RORA: variants seen among roughly 807,000 people sequenced by gnomAD.
RORA encodes the protein RAR related orphan receptor A.
RORA carries 7 observed loss-of-function variants against 69.5 expected under a neutral mutation model. That is an observed-to-expected ratio of 0.10 (90% CI 0.06 to 0.19). The LOEUF is 0.19. Ranked by LOEUF, RORA falls within the 10% of genes least tolerant of loss-of-function variation. The probability of loss-of-function intolerance (pLI) is 1.00; values close to 1 mark genes in which losing one functional copy is unlikely to be tolerated. For missense variants in RORA, 457 were observed against 663.0 expected, an observed-to-expected ratio of 0.69 and a Z score of 3.41; for synonymous variants, 261 against 240.8, an observed-to-expected ratio of 1.08 and a Z score of -0.78.
chr15:61,100,263 C>A (rs752189469), intron 1 of RORA, among the ~76,000 whole-genome samples: 1 of 151,860 alleles, frequency 6.6e-6, no homozygotes, highest in Non-Finnish European at 1.5e-5. Flanking sequence ...GGATTACAGG[C>A]ACGTGTCACC....
intron 1 of RORA, among the ~76,000 whole-genome samples, chr15:60,919,147 C>T (rs1316879906): frequency 2.6e-5 from 4 of 152,218 alleles, no homozygotes; most frequent in African/African-American, 7.2e-5. Flanking sequence ...GCCTCCTTGG[C>T]TTTTCCTCCA....
intron 1 of RORA, among the ~76,000 whole-genome samples, chr15:60,868,421 T>C (rs1371750158): frequency 6.6e-6 from 1 of 152,152 alleles, no homozygotes; most frequent in Non-Finnish European, 1.5e-5. Context: ...TTGAAAAAAG[T>C]AGCCTTTATT....
intron 1 of RORA, among the ~76,000 whole-genome samples, chr15:61,215,804 C>T (rs1446534408): frequency 6.6e-6 from 1 of 152,186 alleles, no homozygotes; most frequent in East Asian, 1.9e-4. Flanking sequence ...TAAAGACCAG[C>T]TCCTCTACGT....
At chr15:61,228,557 C>A (rs1258236815) in intron 1 of RORA, among the ~76,000 whole-genome samples, 1 of 143,500 alleles carries the variant, frequency 7.0e-6, no homozygotes, top group Non-Finnish European at 1.5e-5. Context: ...TGAGAGGGAC[C>A]GAAAACACAC....
chr15:61,117,874 C>A (rs376324143), intron 1 of RORA, among the ~76,000 whole-genome samples: 27 of 152,296 alleles, frequency 1.8e-4, no homozygotes, highest in African/African-American at 6.5e-4. Context: ...TTCAAAAGTA[C>A]ATAAACAGCC....
intron 1 of RORA, among the ~76,000 whole-genome samples, chr15:60,809,790 T>G (rs921457455): frequency 6.6e-5 from 1 of 15,262 alleles, no homozygotes; most frequent in Admixed American, 4.3e-4. Context: ...TAATATTATG[T>G]TTTTTTTTTC....
intron 1 of RORA, among the ~76,000 whole-genome samples, chr15:60,790,790 T>C (rs2072404060): frequency 6.6e-6 from 1 of 152,206 alleles, no homozygotes; most frequent in East Asian, 1.9e-4. Context: ...CCTGGTTATA[T>C]ATGGCTTCTC....
intron 1 of RORA, among the ~76,000 whole-genome samples, chr15:61,099,437 T>G (rs2078845514): frequency 6.6e-6 from 1 of 152,182 alleles, no homozygotes; most frequent in Non-Finnish European, 1.5e-5. Context: ...CCTTGGAACA[T>G]TACCTCCCTA....
At chr15:60,642,799 G>T (rs1186276705) in intron 2 of RORA, among the ~76,000 whole-genome samples, 1 of 152,124 alleles carries the variant, frequency 6.6e-6, no homozygotes, top group Admixed American at 6.5e-5. Context: ...TGAGAGGATT[G>T]CTTAAGCCTA....
At chr15:61,012,466 T>C (rs981676020) in intron 1 of RORA, among the ~76,000 whole-genome samples, 2 of 152,162 alleles carry the variant, frequency 1.3e-5, no homozygotes, top group African/African-American at 4.8e-5. Flanking sequence ...ACAGATGAAT[T>C]TGTAAGCCAC....
intron 8 of RORA, among the ~76,000 whole-genome samples, chr15:60,502,182 G>C (rs1379640882): frequency 1.3e-5 from 2 of 152,180 alleles, no homozygotes. Context: ...GCTTTGCCAT[G>C]TTGGCCAGAC....
chr15:60,763,244 AG>A (rs2071926242), intron 1 of RORA, among the ~76,000 whole-genome samples: 1 of 151,994 alleles, frequency 6.6e-6, no homozygotes, highest in Admixed American at 6.5e-5. Flanking sequence ...TCATCTTGCC[AG>A]GGGCAGAACC....
intron 1 of RORA, among the ~76,000 whole-genome samples, chr15:61,186,137 C>T (rs2079739056): frequency 6.6e-6 from 1 of 152,228 alleles, no homozygotes; most frequent in Admixed American, 6.5e-5. Flanking sequence ...TATTTAACTG[C>T]TATCATTTAA....
intron 1 of RORA, among the ~76,000 whole-genome samples, chr15:61,069,006 T>C (rs1247981852): frequency 5.9e-5 from 9 of 152,250 alleles, no homozygotes; most frequent in African/African-American, 1.9e-4. Flanking sequence ...TTCCTTCTAA[T>C]CATCCACCTT....
intron 1 of RORA, among the ~76,000 whole-genome samples, chr15:60,955,855 T>C (rs1375295013): frequency 6.6e-6 from 1 of 152,234 alleles, no homozygotes; most frequent in Non-Finnish European, 1.5e-5. Context: ...ATTTTGTGTA[T>C]TCCACTGAGA....
At chr15:61,114,552 T>C (rs959460831) in intron 1 of RORA, among the ~76,000 whole-genome samples, 1 of 152,214 alleles carries the variant, frequency 6.6e-6, no homozygotes, top group African/African-American at 2.4e-5. Flanking sequence ...AATATTTACC[T>C]CTGTTACATG....
At chr15:60,902,431 A>G (rs780722784) in intron 1 of RORA, among the ~76,000 whole-genome samples, 5 of 152,186 alleles carry the variant, frequency 3.3e-5, no homozygotes, top group Non-Finnish European at 7.3e-5. Flanking sequence ...GTTTGAAAAA[A>G]GAAAGGAACT....
intron 1 of RORA, among the ~76,000 whole-genome samples, chr15:60,900,425 C>T (rs184661988): frequency 6.6e-6 from 1 of 152,322 alleles, no homozygotes; most frequent in African/African-American, 2.4e-5. Context: ...TATTTTAATA[C>T]TGCTGTCATA....
chr15:60,632,353 C>G (rs1400568823), intron 2 of RORA, among the ~76,000 whole-genome samples: 1 of 152,100 alleles, frequency 6.6e-6, no homozygotes, highest in South Asian at 2.1e-4. Context: ...GTGATCTGCC[C>G]GCCTCGGCCT....
Sources: gnomAD v4.1 joint callset for allele counts (sites outside exome capture counted in the v4.1 genomes callset) on GRCh38, gnomAD v4.1.1 for gene constraint, MANE v1.5 for transcripts, NCBI Gene and HGNC (gene_info 2026-07-23, HGNC 2026-07-21) for gene names.